Variants in CYFIP1 observed in about 807,000 individuals in gnomAD.
CYFIP1 encodes the protein cytoplasmic FMR1-interacting protein 1.
A neutral mutation model predicts 163.5 loss-of-function variants in CYFIP1; 58 were observed. The ratio of observed to expected loss-of-function variants is 0.35; its 90% confidence interval spans 0.29 to 0.44. CYFIP1 has a LOEUF of 0.44. Ranked by LOEUF, CYFIP1 falls within the 20% of genes least tolerant of loss-of-function variation. CYFIP1 has a pLI of 1.00. For missense variants in CYFIP1, 1,338 were observed against 1,653.8 expected, an observed-to-expected ratio of 0.81 and a Z score of 3.31; for synonymous variants, 663 against 660.7, an observed-to-expected ratio of 1.00 and a Z score of -0.05.
chr15:22,964,809 A>C (rs2062847295), intron 1 of CYFIP1, among the ~76,000 whole-genome samples: 1 of 152,198 alleles, frequency 6.6e-6, no homozygotes, highest in Non-Finnish European at 1.5e-5. Context: ...CAGGAGATGG[A>C]TGCCAACCCC....
intron 1 of CYFIP1, chr15:22,951,251 G>A: frequency 2.0e-6 from 2 of 983,856 alleles, no homozygotes; most frequent in South Asian, 2.4e-5. Context: ...GAACGCCCCC[G>A]ACCGCAGCCG....
At position 22,873,558 on chromosome 15, in the gene CYFIP1, G is replaced by A. The variant is rs760491103; in HGVS notation, c.3382C>T (p.His1128Tyr). 7.4e-6 allele frequency: 12 copies of A among 1,614,094 alleles called. No homozygotes were observed. The highest frequency in any genetic ancestry group is 9.3e-6 in the Non-Finnish European group (11 of 1,180,040). The change falls in exon 29 of 31, where the codon CAC becomes TAC. Residue 1128 changes from histidine to tyrosine, a missense_variant. This residue lies in a region of CYFIP1 where 306 missense variants were observed against 322.1 expected (regional missense o/e 0.95). Coordinates refer to ENST00000617928, the MANE Select transcript of CYFIP1 (RefSeq NM_014608.6). ...AACTGCATGGCACTCCACAGTCTGT[G>A]AAACTCCACACACTCGTCCACATGC... ...VMHVDECVEF[H>Y]RLWSAMQFVY... is the part of the protein sequence containing the mutation.
At chr15:22,907,931 ACT>A (rs2060639723) in intron 21 of CYFIP1, among the ~76,000 whole-genome samples, 1 of 151,072 alleles carries the variant, frequency 6.6e-6, no homozygotes, top group East Asian at 2.0e-4. Flanking sequence ...CCGTGACACC[ACT>A]CTCTCTCTCA....
chr15:22,913,064 C>T (rs1050973331), intron 17 of CYFIP1, among the ~76,000 whole-genome samples: 8 of 151,440 alleles, frequency 5.3e-5, no homozygotes, highest in Admixed American at 5.3e-4. Context: ...GGTGTGGTGG[C>T]GCATGCCTGT....
intron 5 of CYFIP1, among the ~76,000 whole-genome samples, chr15:22,944,224 G>A (rs1343443380): frequency 5.3e-5 from 6 of 114,278 alleles, no homozygotes; most frequent in Non-Finnish European, 6.6e-5. Context: ...GGGCGACAAA[G>A]CAAGACTCTG....
chr15:22,877,210 G>A (rs1430739756), intron 26 of CYFIP1, among the ~76,000 whole-genome samples: 1 of 152,152 alleles, frequency 6.6e-6, no homozygotes, highest in Non-Finnish European at 1.5e-5. Flanking sequence ...ATAAGCTCCT[G>A]CGAGAGCAGG....
Position 22,868,823 on chromosome 15 carries a change from T to A in CYFIP1, c.*1205A>T, listed in dbSNP as rs1379977726. 6.6e-6 allele frequency: 1 copy of A among 152,160 alleles called. No individual in the cohort carries two copies. Among genetic ancestry groups the A allele is most frequent in the African/African-American group, 2.4e-5 (1 of 41,436 alleles). 9.4% of individuals were successfully genotyped at this position (152,160 alleles called of 1,614,324 possible). On this transcript the variant is annotated 3_prime_UTR_variant, in exon 31 of 31. Coordinates refer to ENST00000617928, the MANE Select transcript of CYFIP1 (RefSeq NM_014608.6). ...GTGAAGGTTGCAATACTCCAAATAA[T>A]GTAAAATGACTGCCAGGCTACAATA...
At chr15:22,894,861 TTTTA>T (rs1470778313) in intron 22 of CYFIP1, among the ~76,000 whole-genome samples, 6 of 110,842 alleles carry the variant, frequency 5.4e-5, no homozygotes, top group African/African-American at 1.9e-4. Flanking sequence ...ATATTATATA[TTTTA>T]TATATATATA....
At chr15:22,945,014 C>G (rs1350002302) in intron 3 of CYFIP1, 75 bp from the exon 4 acceptor site, 3 of 1,338,280 alleles carry the variant, frequency 2.2e-6, no homozygotes, top group East Asian at 2.3e-5. Flanking sequence ...TTGCTAAAAT[C>G]CAGACAAAGC....
intron 1 of CYFIP1, among the ~76,000 whole-genome samples, chr15:22,948,476 T>C (rs1258524966): frequency 1.3e-5 from 2 of 152,102 alleles, no homozygotes; most frequent in Non-Finnish European, 2.9e-5. Flanking sequence ...CTTTCTAAAA[T>C]AAAAATATCA....
At position 22,886,154 on chromosome 15, in the gene CYFIP1, C is replaced by G. The variant is rs1471422158; in HGVS notation, c.2677-3143G>C. ...AACCATCAGATCTCGTGAGAACTCA[C>G]TATCATGAGAACATCGTCACCCCCA... is the stretch of plus-strand genomic sequence containing the variant. On this transcript the variant is annotated intron_variant, in intron 23 of 30. Transcript: ENST00000617928. Among the ~76,000 whole-genome samples, 5 of 152,144 alleles carry G rather than the reference C, an allele frequency of 3.3e-5. 1 individual carries two copies. The highest frequency in any genetic ancestry group is 7.4e-5 in the Non-Finnish European group (5 of 68,024).
chr15:22,979,132 A>C (rs1231095792), intron 1 of CYFIP1, among the ~76,000 whole-genome samples: 1 of 152,148 alleles, frequency 6.6e-6, no homozygotes, highest in Non-Finnish European at 1.5e-5. Flanking sequence ...CACCGGCACT[A>C]TATCCCTACT....
intron 1 of CYFIP1, among the ~76,000 whole-genome samples, chr15:22,960,927 C>T (rs7176406): frequency 0.17 from 25,867 of 152,200 alleles, 2,314 homozygotes; most frequent in Non-Finnish European, 0.19. Context: ...AGTAGCATGG[C>T]GCTTCCCAAC....
intron 1 of CYFIP1, among the ~76,000 whole-genome samples, chr15:22,949,385 G>A (rs1343826950): frequency 6.6e-6 from 1 of 152,162 alleles, no homozygotes; most frequent in Non-Finnish European, 1.5e-5. Flanking sequence ...CAGGAAGGAA[G>A]GTGAAGCCAG....
intron 22 of CYFIP1, among the ~76,000 whole-genome samples, chr15:22,896,516 A>T (rs951383389): frequency 1.3e-5 from 2 of 151,628 alleles, no homozygotes; most frequent in Admixed American, 1.3e-4. Flanking sequence ...CGTTTTTTTC[A>T]TCATTTTTTT....
chr15:22,971,479 C>G (rs1595734704), intron 1 of CYFIP1, among the ~76,000 whole-genome samples: 1 of 152,132 alleles, frequency 6.6e-6, no homozygotes, highest in African/African-American at 2.4e-5. Flanking sequence ...TCCAGACCAG[C>G]CTGACCACCA....
intron 11 of CYFIP1, among the ~76,000 whole-genome samples, chr15:22,929,039 T>C (rs1269781324): frequency 6.6e-6 from 1 of 151,644 alleles, no homozygotes; most frequent in African/African-American, 2.4e-5. Context: ...GCCAACATAG[T>C]GAAACCCCAT....
At chr15:22,954,098 G>A (rs1296629883) in intron 1 of CYFIP1, among the ~76,000 whole-genome samples, 1 of 152,152 alleles carries the variant, frequency 6.6e-6, no homozygotes, top group Non-Finnish European at 1.5e-5. Flanking sequence ...TCGCATTTCT[G>A]TCTCTGCTCC....
intron 22 of CYFIP1, among the ~76,000 whole-genome samples, chr15:22,898,637 G>C (rs781354130): frequency 2.6e-5 from 4 of 152,088 alleles, no homozygotes; most frequent in Non-Finnish European, 2.9e-5. Context: ...CCAGGCTCAA[G>C]TGATCCTCCC....
Sources: allele counts gnomAD v4.1 joint callset (sites outside exome capture counted in the v4.1 genomes callset), GRCh38; gene constraint gnomAD v4.1.1; regional missense constraint gnomAD v4.1.1; transcripts MANE v1.5; gene names NCBI Gene and HGNC (gene_info 2026-07-23, HGNC 2026-07-21).